The following DSCAML1 variants were observed in gnomAD, a reference collection of about 807,000 sequenced individuals.
DSCAML1 encodes cell adhesion molecule DSCAML1.
In DSCAML1, 38 loss-of-function variants were observed where a neutral mutation model predicts 200.5. The ratio of observed to expected loss-of-function variants is 0.19; its 90% CI spans 0.15 to 0.25. DSCAML1 has a LOEUF of 0.25. Among genes scored for constraint, DSCAML1 ranks in the 10% least tolerant of loss-of-function variants. DSCAML1 has a pLI of 1.00. For synonymous variants in DSCAML1, 1,215 were observed against 1,165.0 expected, an observed-to-expected ratio of 1.04 and a Z score of -0.87; for missense variants, 2,223 against 2,858.8, an observed-to-expected ratio of 0.78 and a Z score of 5.07.
Position 117,505,149 on chromosome 11 carries a change from A to G in DSCAML1, c.2063-106T>C, listed in dbSNP as rs147184292. 4.4e-5 allele frequency: 65 copies of G among 1,493,804 alleles called. No individual in the cohort carries two copies. Among genetic ancestry groups the G allele is most frequent in the Middle Eastern group, 3.7e-4 (2 of 5,340 alleles). 92.5% of individuals were successfully genotyped at this position (1,493,804 alleles called of 1,614,324 possible). A position where few individuals can be genotyped will look rare whatever the true frequency, so the allele number is the denominator to read the frequency against. On this transcript the variant is annotated intron_variant, in intron 9 of 32. Coordinates refer to ENST00000651296, the MANE Select transcript of DSCAML1 (RefSeq NM_020693.4). The surrounding 1 kb of genome is among the most constrained non-coding windows in gnomAD (Gnocchi z 6.7). ...AGGTCAGCCCTGCCCGGGCCATTAT[A>G]AAGTTGGAAGCGGGCAGTTTCTGAA...
intron 3 of DSCAML1, among the ~76,000 whole-genome samples, chr11:117,688,404 C>T (rs1483609385): frequency 6.6e-6 from 1 of 152,192 alleles, no homozygotes; most frequent in Non-Finnish European, 1.5e-5. Flanking sequence ...GGTCTCAGTC[C>T]CAGCAGGACA....
chr11:117,585,258 T>C (rs1174520987), intron 3 of DSCAML1, among the ~76,000 whole-genome samples: 1 of 152,098 alleles, frequency 6.6e-6, no homozygotes, highest in Non-Finnish European at 1.5e-5. Context: ...CTATTTTTTT[T>C]CTTTTTTTTT....
chr11:117,692,185 C>A (rs902041169), intron 3 of DSCAML1, among the ~76,000 whole-genome samples: 5 of 152,028 alleles, frequency 3.3e-5, no homozygotes, highest in Non-Finnish European at 5.9e-5. Context: ...GTACCATTCT[C>A]CTCTCCTTGC....
At chr11:117,492,232 C>T (rs1051370453) in intron 11 of DSCAML1, among the ~76,000 whole-genome samples, 2 of 152,094 alleles carry the variant, frequency 1.3e-5, no homozygotes, top group South Asian at 2.1e-4. Flanking sequence ...CCAGAGGCAA[C>T]GGGATTGGAA....
chr11:117,749,041 G>C (rs1841284926), intron 3 of DSCAML1, among the ~76,000 whole-genome samples: 1 of 152,176 alleles, frequency 6.6e-6, no homozygotes, highest in South Asian at 2.1e-4. Flanking sequence ...TGGGCTTCCA[G>C]GGAGAGGTTC....
At chr11:117,478,903 T>G (rs1465445901) in intron 14 of DSCAML1, among the ~76,000 whole-genome samples, 1 of 151,942 alleles carries the variant, frequency 6.6e-6, no homozygotes, top group Non-Finnish European at 1.5e-5. Flanking sequence ...GTAGCCCTCC[T>G]GCACTCAGAT....
chr11:117,652,594 G>C (rs570015513), intron 3 of DSCAML1, among the ~76,000 whole-genome samples: 1 of 152,248 alleles, frequency 6.6e-6, no homozygotes, highest in African/African-American at 2.4e-5. Flanking sequence ...AGAAGAGGTA[G>C]AGGAGAGATG....
chr11:117,440,777 C>T lies in DSCAML1; in HGVS notation c.3863-841G>A, dbSNP rs140563092. The stretch of plus-strand genomic sequence containing the variant: ...TCTACTAGAAATACAAAAAATTAGC[C>T]GGGCACGATGGCAGGTGCCTGTAAC... On this transcript the variant is annotated intron_variant, in intron 21 of 32. Coordinates refer to ENST00000651296, the MANE Select transcript of DSCAML1 (RefSeq NM_020693.4). Among the ~76,000 whole-genome samples the T allele has an allele frequency of 7.9e-3, 1,198 of 152,088 alleles. 19 individuals carry two copies. Among genetic ancestry groups the T allele is most frequent in the African/African-American group, 0.026 (1,079 of 41,468 alleles).
At chr11:117,621,686 G>C (rs895977117) in intron 3 of DSCAML1, among the ~76,000 whole-genome samples, 2 of 152,154 alleles carry the variant, frequency 1.3e-5, no homozygotes, top group Admixed American at 6.6e-5. Context: ...TTAGAAGCTG[G>C]GTTCTCTCAT....
intron 3 of DSCAML1, among the ~76,000 whole-genome samples, chr11:117,591,306 T>C (rs2051255276): frequency 6.6e-6 from 1 of 152,208 alleles, no homozygotes; most frequent in Admixed American, 6.5e-5. Context: ...TTCTGCTTCT[T>C]GGTCTGGCCG....
At position 117,438,909 on chromosome 11, in the gene DSCAML1, C is replaced by G; in HGVS notation, c.4219G>C (p.Asp1407His). Reference protein sequence around the residue: ...SSITLTWIPGDNGGSSIRGFV... With the variant: ...SSITLTWIPGHNGGSSIRGFV... ...CCTCGGATGGAGCTGCCCCCATTGTCACCTGGAATCCAGGTCAGGGTGATG... is the reference window on the plus strand; with the variant it reads ...CCTCGGATGGAGCTGCCCCCATTGTGACCTGGAATCCAGGTCAGGGTGATG... Residue 1407 changes from aspartate (D) to histidine (H), a missense_variant, in exon 24 of 33, where the codon GAC becomes CAC. Physicochemically the swap from Asp to His is moderately conservative, Grantham distance 81. Around this residue, in one of 7 missense-constraint regions of DSCAML1, gnomAD observed 614 missense variants for 739.1 expected, o/e 0.83. Transcript: ENST00000651296. 6.2e-7 allele frequency: 1 copy of G among 1,605,678 alleles called. No individual in the cohort carries two copies. Among genetic ancestry groups the G allele is most frequent in the South Asian group, 1.1e-5 (1 of 89,470 alleles).
chr11:117,756,948 G>A (rs1031597086), intron 3 of DSCAML1, among the ~76,000 whole-genome samples: 2 of 152,192 alleles, frequency 1.3e-5, no homozygotes, highest in Non-Finnish European at 2.9e-5. Context: ...CTTTGACCTG[G>A]AGGATGGGAC....
intron 16 of DSCAML1, 103 bp from the exon 17 acceptor site, chr11:117,465,285 C>T (rs1484932506): frequency 6.8e-7 from 1 of 1,472,758 alleles, no homozygotes. Flanking sequence ...CCCAGCCCTT[C>T]AAAGGCTCCC....
intron 11 of DSCAML1, among the ~76,000 whole-genome samples, chr11:117,482,445 C>A (rs2048948375): frequency 6.6e-6 from 1 of 152,126 alleles, no homozygotes; most frequent in African/African-American, 2.4e-5. Context: ...ATAAAGGAAA[C>A]CACTTGTATT....
chr11:117,619,783 T>C (rs1340180998), intron 3 of DSCAML1, among the ~76,000 whole-genome samples: 2 of 152,200 alleles, frequency 1.3e-5, no homozygotes, highest in South Asian at 4.1e-4. Flanking sequence ...CTTTCACACA[T>C]TTATAGCAGG....
chr11:117,553,208 C>G (rs539880148), intron 3 of DSCAML1, among the ~76,000 whole-genome samples: 1 of 152,282 alleles, frequency 6.6e-6, no homozygotes, highest in African/African-American at 2.4e-5. Context: ...GGAAAACCTT[C>G]ATTACACTGG....
At chr11:117,779,688 G>C (rs2055197154) in intron 2 of DSCAML1, among the ~76,000 whole-genome samples, 1 of 152,142 alleles carries the variant, frequency 6.6e-6, no homozygotes. Context: ...TACACCGTTG[G>C]ACACCATTTG....
At chr11:117,450,744 G>T in intron 19 of DSCAML1, 56 bp from the exon 20 acceptor site, 1 of 1,574,046 alleles carries the variant, frequency 6.4e-7, no homozygotes, top group Non-Finnish European at 8.6e-7. Context: ...AGCCTTTGGG[G>T]AAAATGACAG....
intron 3 of DSCAML1, among the ~76,000 whole-genome samples, chr11:117,551,837 G>A (rs1251035836): frequency 6.6e-6 from 1 of 152,044 alleles, no homozygotes; most frequent in Non-Finnish European, 1.5e-5. Context: ...ATTAAAGAGC[G>A]AGGAGAAATT....
Sources: allele counts gnomAD v4.1 joint callset (sites outside exome capture counted in the v4.1 genomes callset), GRCh38; gene constraint gnomAD v4.1.1; regional missense constraint gnomAD v4.1.1; non-coding constraint Gnocchi (gnomAD v3.1); transcripts MANE v1.5; gene names NCBI Gene and HGNC (gene_info 2026-07-23, HGNC 2026-07-21).